Variants in KCNT2 observed in about 807,000 individuals in gnomAD.
KCNT2 encodes potassium sodium-activated channel subfamily T member 2, also known as potassium channel subfamily T member 2.
KCNT2 carries 67 observed loss-of-function variants against 153.8 expected under a neutral mutation model. That is an observed-to-expected ratio of 0.44 (90% CI 0.36 to 0.53). The LOEUF is 0.53. KCNT2 is among the 20% of genes least tolerant of loss of function. KCNT2 has a pLI of 0.00. For synonymous variants in KCNT2, 500 were observed against 458.8 expected, an observed-to-expected ratio of 1.09 and a Z score of -1.15; for missense variants, 975 against 1,354.8, an observed-to-expected ratio of 0.72 and a Z score of 4.40.
intron 8 of KCNT2, among the ~76,000 whole-genome samples, chr1:196,447,563 C>T (rs965152723): frequency 6.6e-6 from 1 of 151,304 alleles, no homozygotes; most frequent in South Asian, 2.1e-4. Flanking sequence ...ATCATCCAGG[C>T]AAGAGATAAT....
Position 196,282,293 on chromosome 1 carries a change from C to T in KCNT2, c.2761G>A (p.Gly921Arg), listed in dbSNP as rs763453751. Reference protein sequence around the residue: ...RLLLGLDTTPGSGFLCSMKIT... With the variant: ...RLLLGLDTTPRSGFLCSMKIT... ...CTTACAGAACAAAGAAACCCAGATC[C>T]TGGTGTAGTGTCCAGTCCCAACAGA... Residue 921 changes from glycine (G) to arginine (R), a missense_variant, in exon 24 of 28, where the codon GGA (glycine) becomes AGA (arginine). Physicochemically the swap from Gly to Arg is moderately radical, Grantham distance 125 (BLOSUM62 -2). This residue lies in a region of KCNT2 where 241 missense variants were observed against 271.1 expected (regional missense o/e 0.89). Coordinates refer to ENST00000294725, the MANE Select transcript of KCNT2 (RefSeq NM_198503.5). 11 of 1,596,174 alleles carry T rather than the reference C, an allele frequency of 6.9e-6. No homozygotes were observed. The highest frequency in any genetic ancestry group is 3.3e-5 in the Admixed American group (2 of 59,772).
chr1:196,314,151 C>T (rs1290300179), intron 21 of KCNT2, among the ~76,000 whole-genome samples: 6 of 151,432 alleles, frequency 4.0e-5, no homozygotes, highest in Non-Finnish European at 5.9e-5. Context: ...CAAAATAATT[C>T]ATCCAGAGAA....
chr1:196,447,797 G>GT (rs34318445), intron 8 of KCNT2, among the ~76,000 whole-genome samples: 6 of 137,832 alleles, frequency 4.4e-5, no homozygotes, highest in African/African-American at 1.2e-4. Flanking sequence ...AATTAACAAC[G>GT]TTTTTTTGGA....
chr1:196,340,285 C>G, intron 16 of KCNT2, 56 bp downstream of exon 16: 1 of 1,064,530 alleles, frequency 9.4e-7, no homozygotes, highest in Non-Finnish European at 1.3e-6. Flanking sequence ...TGGTATTTAT[C>G]ATTATTTTTT....
chr1:196,244,097 G>A (rs141638128), intron 26 of KCNT2, among the ~76,000 whole-genome samples: 36 of 152,194 alleles, frequency 2.4e-4, no homozygotes, highest in African/African-American at 7.7e-4. Flanking sequence ...TCGGCCAGAA[G>A]GGAACCTGCT....
At chr1:196,505,297 A>T (rs1681038645) in intron 1 of KCNT2, among the ~76,000 whole-genome samples, 1 of 152,188 alleles carries the variant, frequency 6.6e-6, no homozygotes. Context: ...TCAGCTTTCT[A>T]CATATGGCTA....
chr1:196,401,169 G>A (rs1310675100), intron 12 of KCNT2, among the ~76,000 whole-genome samples: 1 of 151,816 alleles, frequency 6.6e-6, no homozygotes, highest in Non-Finnish European at 1.5e-5. Flanking sequence ...AACCTCAATG[G>A]TGATGGAGTT....
intron 8 of KCNT2, among the ~76,000 whole-genome samples, chr1:196,442,024 C>G (rs1433705219): frequency 6.6e-6 from 1 of 151,706 alleles, no homozygotes. Flanking sequence ...TGGTCAAAGG[C>G]AATCGCATAG....
chr1:196,332,693 T>G (rs2148110922), intron 17 of KCNT2, among the ~76,000 whole-genome samples: 1 of 152,222 alleles, frequency 6.6e-6, no homozygotes, highest in Non-Finnish European at 1.5e-5. Flanking sequence ...TGTTTTTGTA[T>G]AAACACTTTT....
chr1:196,594,298 A>T (rs1663784406), intron 1 of KCNT2, among the ~76,000 whole-genome samples: 1 of 152,200 alleles, frequency 6.6e-6, no homozygotes, highest in South Asian at 2.1e-4. Flanking sequence ...TAGAAAAGAC[A>T]TTTTCAAGTC....
chr1:196,525,557 A>G (rs1265978268), intron 1 of KCNT2, among the ~76,000 whole-genome samples: 1 of 152,204 alleles, frequency 6.6e-6, no homozygotes, highest in African/African-American at 2.4e-5. Flanking sequence ...ATAATCACCA[A>G]TCTGTATATG....
chr1:196,307,560 T>G (rs1156325259), intron 21 of KCNT2, among the ~76,000 whole-genome samples: 2 of 152,104 alleles, frequency 1.3e-5, no homozygotes, highest in East Asian at 1.9e-4. Context: ...CTCAAGTGAC[T>G]ATAACCTTAT....
intron 12 of KCNT2, among the ~76,000 whole-genome samples, chr1:196,415,520 A>G (rs1474829312): frequency 6.6e-6 from 1 of 151,122 alleles, no homozygotes; most frequent in Non-Finnish European, 1.5e-5. Context: ...ATAAATATAT[A>G]TATATATAAA....
intron 5 of KCNT2, among the ~76,000 whole-genome samples, chr1:196,476,987 T>C (rs1407269030): frequency 6.6e-6 from 1 of 152,198 alleles, no homozygotes; most frequent in African/African-American, 2.4e-5. Flanking sequence ...ATACTTGACA[T>C]AGCAAATGTG....
At chr1:196,280,747 T>C in intron 25 of KCNT2, 113 bp downstream of exon 25, 3 of 1,010,666 alleles carry the variant, frequency 3.0e-6, no homozygotes, top group East Asian at 2.5e-5. Flanking sequence ...CGTATTCAGG[T>C]AGCATTCTTT....
At chr1:196,607,507 T>C (rs1395108672) in intron 1 of KCNT2, among the ~76,000 whole-genome samples, 1 of 152,116 alleles carries the variant, frequency 6.6e-6, no homozygotes, top group African/African-American at 2.4e-5. Context: ...ATTTTAATTT[T>C]GAGACATATA....
chr1:196,276,248 T>C (rs958379482), intron 25 of KCNT2, among the ~76,000 whole-genome samples: 3 of 152,062 alleles, frequency 2.0e-5, no homozygotes, highest in Non-Finnish European at 4.4e-5. Flanking sequence ...TGACTAAGTA[T>C]ACTTTACAGA....
At position 196,408,733 on chromosome 1, in the gene KCNT2, T is replaced by A. The variant is rs569528541; in HGVS notation, c.1186-10062A>T. ...ATTGATGCCTCATTTAATTCAATTA[T>A]AATCAGATAACATATTCTGTAGGTT... On this transcript the variant is annotated intron_variant, in intron 12 of 27. Transcript: ENST00000294725. Among the ~76,000 whole-genome samples the A allele has an allele frequency of 3.3e-5, 5 of 151,788 alleles. No individual in the cohort carries two copies. In the East Asian group the frequency reaches 7.8e-4, roughly 24 times the overall value.
intron 26 of KCNT2, 92 bp downstream of exon 26, chr1:196,258,102 A>C: frequency 6.7e-7 from 1 of 1,492,252 alleles, no homozygotes; most frequent in Non-Finnish European, 8.9e-7. Context: ...TGAAGCAAAA[A>C]TTCAATTCTT....
Sources: gnomAD v4.1 joint callset for allele counts (sites outside exome capture counted in the v4.1 genomes callset) on GRCh38, gnomAD v4.1.1 for gene constraint, gnomAD v4.1.1 regional missense constraint, MANE v1.5 for transcripts, NCBI Gene and HGNC (gene_info 2026-07-23, HGNC 2026-07-21) for gene names.